LANCL3: variants seen among roughly 807,000 people sequenced by gnomAD.
LANCL3 encodes lanC-like protein 3.
In LANCL3, 19 loss-of-function variants were observed where a neutral mutation model predicts 26.5. The ratio of observed to expected loss-of-function variants is 0.72; its 90% CI spans 0.50 to 1.05. The LOEUF (loss-of-function observed/expected upper bound fraction) is 1.05. Ranked by LOEUF, LANCL3 falls within the 50% of genes least tolerant of loss-of-function variation. LANCL3 has a pLI of 0.00. For missense variants in LANCL3, 318 were observed against 362.7 expected, an observed-to-expected ratio of 0.88 and a Z score of 1.00; for synonymous variants, 160 against 166.6, an observed-to-expected ratio of 0.96 and a Z score of 0.30.
intron 2 of LANCL3, among the ~76,000 whole-genome samples, chrX:37,657,196 C>A (rs1926304255): frequency 8.9e-6 from 1 of 112,772 alleles, no homozygotes; most frequent in African/African-American, 3.2e-5. Flanking sequence ...TGTCCTGCCC[C>A]TTTGGGCAGG....
intron 1 of LANCL3, among the ~76,000 whole-genome samples, chrX:37,646,451 A>G (rs1466666244): frequency 8.9e-6 from 1 of 112,601 alleles, no homozygotes; most frequent in East Asian, 2.8e-4. Flanking sequence ...TCTTTCTTGT[A>G]ACCTAGTGGA....
rs782819565 is a variant in LANCL3 at position 37,572,155 on chromosome X, G to A, written c.285G>A (p.Ser95=). The A allele has an allele frequency of 4.1e-5, 49 of 1,191,260 alleles. No homozygotes were observed. Among genetic ancestry groups the A allele is most frequent in the South Asian group, 2.2e-4 (12 of 55,642 alleles). The change falls in exon 1 of 5, where the codon TCG becomes TCA. Residue 95 remains serine, a synonymous_variant. Transcript: ENST00000378619. ...CGGCCCGGGAACGCTACCTGCGCTC[G>A]GCTAAGCGCCTCATCGACGCGTGCG... ...FATARERYLR[S]AKRLIDACAR...
At chrX:37,657,643 T>TTTTTCAGG (rs1926319093) in intron 2 of LANCL3, among the ~76,000 whole-genome samples, 1 of 110,042 alleles carries the variant, frequency 9.1e-6, no homozygotes, top group Admixed American at 9.7e-5. Context: ...CCTCCCAGTA[T>TTTTTCAGG]TTTTCAGGTT....
intron 1 of LANCL3, among the ~76,000 whole-genome samples, chrX:37,624,632 C>A (rs1398544335): frequency 8.9e-6 from 1 of 111,783 alleles, no homozygotes; most frequent in Non-Finnish European, 1.9e-5. Context: ...GGCCAAGATT[C>A]TTTCATTAGC....
chrX:37,619,388 A>G (rs1925093576), intron 1 of LANCL3, among the ~76,000 whole-genome samples: 1 of 111,522 alleles, frequency 9.0e-6, no homozygotes, highest in South Asian at 3.8e-4. Flanking sequence ...GTCTGCGGAA[A>G]ATCCTTTACT....
chrX:37,632,297 A>G (rs1349448041), intron 1 of LANCL3, among the ~76,000 whole-genome samples: 1 of 110,401 alleles, frequency 9.1e-6, no homozygotes, highest in East Asian at 2.8e-4. Context: ...TTTATTTTCC[A>G]TTTGCTTGGT....
rs1182760074 is a variant in LANCL3 at position 37,603,216 on chromosome X, G to T, written c.573+30773G>T. 2.7e-5 allele frequency among the ~76,000 whole-genome samples: 3 copies of T among 112,170 alleles called. No homozygotes were observed. The Admixed American group carries it at 2.8e-4, about 11-fold the overall frequency. On this transcript the variant is annotated intron_variant, in intron 1 of 4. Transcript: ENST00000378619. ...ACTTGTGCCAGGATCTAAAAGATGAGCAGGGTCCTAGTGGGACAATGTGGT... is the reference window on the plus strand; with the variant it reads ...ACTTGTGCCAGGATCTAAAAGATGATCAGGGTCCTAGTGGGACAATGTGGT...
At chrX:37,655,920 A>G (rs1294647399) in intron 2 of LANCL3, 109 bp downstream of exon 2, 4 of 626,057 alleles carry the variant, frequency 6.4e-6, no homozygotes, top group Non-Finnish European at 9.7e-6. Context: ...CTAGTCATTT[A>G]ATAAGAAATA....
chrX:37,606,108 G>A (rs781913590), intron 1 of LANCL3, among the ~76,000 whole-genome samples: 26 of 111,579 alleles, frequency 2.3e-4, no homozygotes, highest in Non-Finnish European at 3.8e-4. Context: ...GGAAACCAGC[G>A]CAGGCTTCCA....
At chrX:37,574,054 CA>C (rs34987799) in intron 1 of LANCL3, among the ~76,000 whole-genome samples, 7,050 of 33,318 alleles carry the variant, frequency 0.21, 488 homozygotes, top group African/African-American at 0.36. Flanking sequence ...TCAAGGATAG[CA>C]AAAAAAAAAA....
chrX:37,577,011 C>T (rs1279392264), intron 1 of LANCL3, among the ~76,000 whole-genome samples: 2 of 112,499 alleles, frequency 1.8e-5, no homozygotes, highest in Non-Finnish European at 3.8e-5. Context: ...AGGGTAAAAT[C>T]AGATCCTGGA....
At position 37,679,924 on chromosome X, in the gene LANCL3, A is replaced by C. The variant is rs1194460920; in HGVS notation, c.*4111A>C. ...TGCTTTCTGGGACCTCTAACCCAGG[A>C]CCACCCCTGATTCACCAACTTCTCC... On this transcript the variant is annotated 3_prime_UTR_variant, in exon 5 of 5. Transcript: ENST00000378619. 9.0e-6 allele frequency: 1 copy of C among 111,478 alleles called. No homozygotes were observed. Among genetic ancestry groups the C allele is most frequent in the African/African-American group, 3.3e-5 (1 of 30,629 alleles). The allele number at this position is 111,478 out of a possible 1,213,427, so 9.2% of individuals were successfully genotyped here. A position where few individuals can be genotyped will look rare whatever the true frequency, so the allele number is the denominator to read the frequency against.
At chrX:37,643,130 T>A (rs1925908313) in intron 1 of LANCL3, among the ~76,000 whole-genome samples, 1 of 112,108 alleles carries the variant, frequency 8.9e-6, no homozygotes, top group African/African-American at 3.2e-5. Flanking sequence ...GACTGACAAC[T>A]GCAGATAATT....
At chrX:37,583,425 G>A (rs1483410779) in intron 1 of LANCL3, among the ~76,000 whole-genome samples, 3 of 111,662 alleles carry the variant, frequency 2.7e-5, no homozygotes, top group African/African-American at 6.5e-5. Context: ...CCATTTTCAC[G>A]ATATTGATTC....
intron 3 of LANCL3, among the ~76,000 whole-genome samples, chrX:37,662,229 G>T: frequency 8.9e-6 from 1 of 111,925 alleles, no homozygotes; most frequent in Non-Finnish European, 1.9e-5. Context: ...AGATTAATGT[G>T]ACCCCTTCAT....
At chrX:37,634,748 G>C (rs1925657549) in intron 1 of LANCL3, among the ~76,000 whole-genome samples, 1 of 112,016 alleles carries the variant, frequency 8.9e-6, no homozygotes, top group Non-Finnish European at 1.9e-5. Context: ...TTGTACTGTA[G>C]TTAGGTAGGA....
intron 1 of LANCL3, among the ~76,000 whole-genome samples, chrX:37,619,571 A>AATTTGGTT (rs5902155): frequency 0.28 from 30,446 of 110,456 alleles, 3,994 homozygotes; most frequent in African/African-American, 0.52. Context: ...GTGGGGTTAA[A>AATTTGGTT]GAACCAAGTT....
chrX:37,597,668 C>CTTTT (rs57097813), intron 1 of LANCL3, among the ~76,000 whole-genome samples: 11 of 79,814 alleles, frequency 1.4e-4, no homozygotes, highest in South Asian at 6.7e-4. Context: ...CACACGCCAC[C>CTTTT]TTTTTTTTTT....
intron 1 of LANCL3, among the ~76,000 whole-genome samples, chrX:37,589,384 C>T (rs1441674690): frequency 9.0e-6 from 1 of 111,280 alleles, no homozygotes; most frequent in Non-Finnish European, 1.9e-5. Flanking sequence ...ATTCAAGCAG[C>T]ACCTACCTCA....
Sources: allele counts gnomAD v4.1 joint callset (sites outside exome capture counted in the v4.1 genomes callset), GRCh38; gene constraint gnomAD v4.1.1; transcripts MANE v1.5; gene names NCBI Gene and HGNC (gene_info 2026-07-23, HGNC 2026-07-21).